The following LARP1B variants were observed in gnomAD, a reference collection of about 807,000 sequenced individuals.
The protein encoded by LARP1B is La ribonucleoprotein 1B, also known as la-related protein 1B.
In LARP1B, 76 loss-of-function variants were observed where a neutral mutation model predicts 114.2. That is an observed-to-expected ratio of 0.67 (90% CI 0.55 to 0.81). The LOEUF is 0.81. Ranked by LOEUF, LARP1B falls within the 30% of genes least tolerant of loss-of-function variation. The probability of loss-of-function intolerance (pLI) is 0.00; values close to 1 mark genes in which losing one functional copy is unlikely to be tolerated. For missense variants in LARP1B, 1,014 were observed against 1,075.8 expected (o/e 0.94, Z 0.80); for synonymous variants, 345 against 348.0 (o/e 0.99, Z 0.10).
Position 128,073,444 on chromosome 4 carries a change from A to AG in LARP1B, c.-77-1016_-77-1015insG, listed in dbSNP as rs1281042867. ...AAAAAAAAAAAAAAAAAAAAAAAAA[A>AG]AAAGAAAGAAAGAAAGAAATACTAC... On this transcript the variant is annotated intron_variant, in intron 1 of 19. Coordinates refer to ENST00000326639, the MANE Select transcript of LARP1B (RefSeq NM_018078.4). Among the ~76,000 whole-genome samples the AG allele has an allele frequency of 2.5e-3, 261 of 102,542 alleles. 40 individuals are homozygous for AG. The highest frequency in any genetic ancestry group is 4.1e-3 in the Non-Finnish European group (223 of 54,214). The allele number at this position is 102,542 out of a possible 152,430, so 67.3% of individuals were successfully genotyped here.
intron 10 of LARP1B, among the ~76,000 whole-genome samples, chr4:128,116,137 A>G (rs1785738282): frequency 6.6e-6 from 1 of 152,202 alleles, no homozygotes; most frequent in South Asian, 2.1e-4. Flanking sequence ...TATTTATAAA[A>G]AGAGAAATAG....
intron 4 of LARP1B, among the ~76,000 whole-genome samples, chr4:128,081,376 G>A (rs1770322209): frequency 8.0e-6 from 1 of 125,598 alleles, no homozygotes. Flanking sequence ...ACTGCGCCCG[G>A]CCTTTTTTTT....
chr4:128,129,800 C>T (rs1479010635), intron 11 of LARP1B, among the ~76,000 whole-genome samples: 2 of 151,500 alleles, frequency 1.3e-5, no homozygotes, highest in East Asian at 1.9e-4. Flanking sequence ...ACAAATGGTG[C>T]TAGAACAGCT....
At chr4:128,197,218 A>G (rs1754463167) in intron 15 of LARP1B, among the ~76,000 whole-genome samples, 1 of 152,172 alleles carries the variant, frequency 6.6e-6, no homozygotes, top group Admixed American at 6.5e-5. Context: ...GTATATTTTT[A>G]CCACACATGT....
intron 1 of LARP1B, among the ~76,000 whole-genome samples, chr4:128,063,531 G>A (rs1761217080): frequency 6.7e-6 from 1 of 149,760 alleles, no homozygotes; most frequent in Non-Finnish European, 1.5e-5. Context: ...TGTAATCCCA[G>A]CACTTTGGGA....
intron 5 of LARP1B, among the ~76,000 whole-genome samples, chr4:128,088,337 G>A (rs1236834589): frequency 6.6e-6 from 1 of 152,008 alleles, no homozygotes; most frequent in African/African-American, 2.4e-5. Flanking sequence ...TAAGTGCATT[G>A]GTTTCTTTCA....
At chr4:128,162,127 A>G in intron 11 of LARP1B, 67 bp from the exon 12 acceptor site, 6 of 1,461,954 alleles carry the variant, frequency 4.1e-6, no homozygotes, top group Non-Finnish European at 5.6e-6. Flanking sequence ...TGAGGTTGGT[A>G]TCAATTATTG....
chr4:128,125,800 G>A (rs887803531), intron 11 of LARP1B, among the ~76,000 whole-genome samples: 1 of 152,082 alleles, frequency 6.6e-6, no homozygotes, highest in African/African-American at 2.4e-5. Context: ...GTTGTGCTGA[G>A]CAGAATAGAG....
chr4:128,207,671 A>T (rs983930856), intron 19 of LARP1B, among the ~76,000 whole-genome samples: 1 of 152,230 alleles, frequency 6.6e-6, no homozygotes, highest in Non-Finnish European at 1.5e-5. Context: ...TTTTTACCTG[A>T]TATGCTAATT....
intron 11 of LARP1B, among the ~76,000 whole-genome samples, chr4:128,125,112 A>T (rs991262741): frequency 6.6e-6 from 1 of 152,310 alleles, no homozygotes; most frequent in South Asian, 2.1e-4. Context: ...ATCTTTGAAG[A>T]TATGCTAGGT....
intron 12 of LARP1B, among the ~76,000 whole-genome samples, chr4:128,170,698 A>C (rs924646784): frequency 4.6e-5 from 7 of 152,034 alleles, no homozygotes; most frequent in Admixed American, 4.6e-4. Flanking sequence ...TTTTACTTTT[A>C]ACGTACCCAT....
At chr4:128,073,582 T>TG (rs1285922928) in intron 1 of LARP1B, among the ~76,000 whole-genome samples, 18 of 22,344 alleles carry the variant, frequency 8.1e-4, no homozygotes, top group South Asian at 2.5e-3. Flanking sequence ...GTTTTTTTTT[T>TG]TTTTTTTTTT....
At position 128,093,378 on chromosome 4, in the gene LARP1B, C is replaced by T. The variant is rs573947360; in HGVS notation, c.668+1866C>T. Among the ~76,000 whole-genome samples the T allele has an allele frequency of 2.2e-4, 33 of 152,128 alleles. 1 individual carries two copies. The East Asian group carries it at 5.4e-3, about 25-fold the overall frequency. ...TTGGGAGGCCGAGGCGGGCGGATCA[C>T]GAGGTCAGGAGATCGAGACCATCTT... On this transcript the variant is annotated intron_variant, in intron 7 of 19. Transcript: ENST00000326639.
intron 11 of LARP1B, among the ~76,000 whole-genome samples, chr4:128,125,791 T>C (rs1049494734): frequency 6.6e-6 from 1 of 152,070 alleles, no homozygotes; most frequent in African/African-American, 2.4e-5. Context: ...GTTTTTCTGG[T>C]TGTGCTGAGC....
At chr4:128,132,879 C>G (rs1792016236) in intron 11 of LARP1B, among the ~76,000 whole-genome samples, 3 of 151,726 alleles carry the variant, frequency 2.0e-5, no homozygotes. Flanking sequence ...TCAGCAGGAG[C>G]CCTAAGCTTG....
Position 128,179,479 on chromosome 4 carries a change from C to T in LARP1B, c.1970C>T (p.Ser657Phe). 1 of 1,609,390 alleles carries T rather than the reference C, an allele frequency of 6.2e-7. No individual in the cohort carries two copies. The highest frequency in any genetic ancestry group is 8.5e-7 in the Non-Finnish European group (1 of 1,177,406). The stretch of plus-strand genomic sequence containing the variant: ...TGTCATGTTGGTTGGGTAATGGATT[C>T]CAGAGACCGTGGGCCAGGAACATCC... ...LECHVGWVMD[S>F]RDRGPGTSSV... is the part of the protein sequence containing the mutation. The change falls in exon 15 of 20, where the codon TCC becomes TTC. Residue 657 changes from serine (S) to phenylalanine (F), a missense_variant. Ser to Phe is a radical substitution (Grantham distance 155). Coordinates refer to ENST00000326639, the MANE Select transcript of LARP1B (RefSeq NM_018078.4).
intron 11 of LARP1B, among the ~76,000 whole-genome samples, chr4:128,141,776 T>C (rs2150218438): frequency 6.6e-6 from 1 of 152,308 alleles, no homozygotes; most frequent in South Asian, 2.1e-4. Context: ...AGCGTACCTC[T>C]AGTGGCTTTC....
At chr4:128,072,820 G>C (rs1210445970) in intron 1 of LARP1B, among the ~76,000 whole-genome samples, 1 of 152,038 alleles carries the variant, frequency 6.6e-6, no homozygotes, top group Non-Finnish European at 1.5e-5. Flanking sequence ...GCCTCCCAAA[G>C]CTGTTTGGAT....
intron 1 of LARP1B, among the ~76,000 whole-genome samples, chr4:128,066,215 C>T (rs569854503): frequency 3.3e-4 from 41 of 125,948 alleles, no homozygotes; most frequent in Admixed American, 2.7e-3. Context: ...CTCGCTCTGT[C>T]GCCCAGGCTG....
Sources: gnomAD v4.1 joint callset for allele counts (sites outside exome capture counted in the v4.1 genomes callset) on GRCh38, gnomAD v4.1.1 for gene constraint, MANE v1.5 for transcripts, NCBI Gene and HGNC (gene_info 2026-07-23, HGNC 2026-07-21) for gene names.